The following MEGF11 variants were observed in gnomAD, a reference collection of about 807,000 sequenced individuals.
MEGF11 encodes the protein multiple epidermal growth factor-like domains protein 11.
In MEGF11, 126 loss-of-function variants were observed where a neutral mutation model predicts 146.6. The observed-to-expected ratio is 0.86, with a 90% confidence interval of 0.74 to 1.00. MEGF11 has a LOEUF of 1.00. Among genes scored for constraint, MEGF11 ranks in the 50% least tolerant of loss-of-function variants. MEGF11 has a pLI of 0.00. For synonymous variants in MEGF11, 532 were observed against 583.4 expected (o/e 0.91, Z 1.27); for missense variants, 1,509 against 1,521.2 (o/e 0.99, Z 0.13).
At chr15:66,139,314 G>T (rs2089036369) in intron 1 of MEGF11, among the ~76,000 whole-genome samples, 2 of 152,156 alleles carry the variant, frequency 1.3e-5, no homozygotes, top group Non-Finnish European at 2.9e-5. Context: ...ATCTCCCCAG[G>T]TTTAATTTGG....
chr15:66,187,215 GC>G (rs1778825152), intron 1 of MEGF11, among the ~76,000 whole-genome samples: 1 of 152,232 alleles, frequency 6.6e-6, no homozygotes, highest in South Asian at 2.1e-4. Flanking sequence ...GGAAAGGGAA[GC>G]ATTTCTCAAG....
chr15:66,151,109 G>C (rs1029993601), intron 1 of MEGF11, among the ~76,000 whole-genome samples: 8 of 152,134 alleles, frequency 5.3e-5, no homozygotes, highest in African/African-American at 1.7e-4. Context: ...TGAACTACTT[G>C]GAATTCCCTG....
intron 1 of MEGF11, among the ~76,000 whole-genome samples, chr15:66,252,221 C>T (rs2092381768): frequency 7.2e-6 from 1 of 138,176 alleles, no homozygotes; most frequent in Admixed American, 7.1e-5. Context: ...AGCCGCACCC[C>T]CCGCCCCCCA....
intron 21 of MEGF11, 44 bp downstream of exon 21, chr15:65,912,038 T>G: frequency 1.0e-4 from 110 of 1,102,890 alleles, no homozygotes; most frequent in Middle Eastern, 3.3e-4. Context: ...GAGGGTTAAA[T>G]GAGAGGGCAG....
intron 1 of MEGF11, among the ~76,000 whole-genome samples, chr15:66,169,843 C>G (rs953190005): frequency 7.9e-5 from 12 of 152,194 alleles, no homozygotes; most frequent in African/African-American, 2.9e-4. Context: ...CCGGACCATC[C>G]CGGCAGGTCA....
At chr15:66,146,947 G>A (rs577294927) in intron 1 of MEGF11, among the ~76,000 whole-genome samples, 1 of 152,204 alleles carries the variant, frequency 6.6e-6, no homozygotes, top group South Asian at 2.1e-4. Flanking sequence ...TTCCCATAAT[G>A]CCCCCACTTG....
intron 7 of MEGF11, among the ~76,000 whole-genome samples, chr15:65,979,272 C>A (rs1314788686): frequency 6.6e-6 from 1 of 152,100 alleles, no homozygotes; most frequent in Non-Finnish European, 1.5e-5. Context: ...TGTATTTTAA[C>A]CCCCCACCAC....
intron 5 of MEGF11, among the ~76,000 whole-genome samples, chr15:66,047,917 G>A (rs2084280616): frequency 6.6e-6 from 1 of 151,864 alleles, no homozygotes; most frequent in Non-Finnish European, 1.5e-5. Context: ...GGAGGCCTGA[G>A]GGGACATTGT....
At chr15:65,917,062 C>T (rs936840933) in intron 16 of MEGF11, 106 bp from the exon 17 acceptor site, 10 of 1,242,376 alleles carry the variant, frequency 8.0e-6, no homozygotes, top group East Asian at 2.9e-5. Context: ...CAAGATGGAC[C>T]TGGCTGACAT....
At chr15:66,021,736 A>G (rs2083140783) in intron 5 of MEGF11, among the ~76,000 whole-genome samples, 1 of 152,096 alleles carries the variant, frequency 6.6e-6, no homozygotes, top group Admixed American at 6.5e-5. Context: ...TGGAACTAAG[A>G]CCCAGTTAGG....
chr15:66,164,937 G>T (rs922826256), intron 1 of MEGF11, among the ~76,000 whole-genome samples: 2 of 152,196 alleles, frequency 1.3e-5, no homozygotes, highest in Admixed American at 1.3e-4. Context: ...GGGGGCTCAG[G>T]GGCAGGAGGT....
At chr15:66,116,298 G>A (rs879903225) in intron 4 of MEGF11, among the ~76,000 whole-genome samples, 13 of 151,998 alleles carry the variant, frequency 8.6e-5, no homozygotes, top group African/African-American at 2.7e-4. Context: ...CCGCCTTCCC[G>A]TCATGAAAGT....
intron 1 of MEGF11, among the ~76,000 whole-genome samples, chr15:66,156,684 C>G (rs994991602): frequency 2.0e-5 from 3 of 152,158 alleles, no homozygotes; most frequent in Non-Finnish European, 2.9e-5. Context: ...CTTCTGCCTT[C>G]GTTAACCAGG....
chr15:66,124,355 TA>T (rs1406132746), intron 2 of MEGF11, among the ~76,000 whole-genome samples: 2 of 152,246 alleles, frequency 1.3e-5, no homozygotes, highest in Non-Finnish European at 2.9e-5. Flanking sequence ...TGATTGTTCA[TA>T]TCTTTATGGT....
chr15:66,130,358 G>A (rs1158244843), intron 1 of MEGF11, among the ~76,000 whole-genome samples: 1 of 152,150 alleles, frequency 6.6e-6, no homozygotes, highest in Non-Finnish European at 1.5e-5. Context: ...GCCTTGCCTT[G>A]TCTTGATTCT....
intron 10 of MEGF11, among the ~76,000 whole-genome samples, chr15:65,950,168 A>G (rs369685929): frequency 1.9e-4 from 29 of 151,580 alleles, no homozygotes; most frequent in African/African-American, 6.8e-4. Context: ...ATCAACAGCA[A>G]TAACAGCTAA....
intron 10 of MEGF11, among the ~76,000 whole-genome samples, chr15:65,937,047 GA>G (rs2079814130): frequency 6.6e-6 from 1 of 152,172 alleles, no homozygotes; most frequent in Admixed American, 6.5e-5. Flanking sequence ...TCCACTCTGG[GA>G]GACAAGACCT....
At chr15:66,027,375 G>A (rs1306729581) in intron 5 of MEGF11, among the ~76,000 whole-genome samples, 1 of 152,248 alleles carries the variant, frequency 6.6e-6, no homozygotes, top group East Asian at 1.9e-4. Context: ...ACCACGTCAA[G>A]CTGAACCCAC....
At chr15:66,151,862 C>A (rs922097142) in intron 1 of MEGF11, among the ~76,000 whole-genome samples, 2 of 152,230 alleles carry the variant, frequency 1.3e-5, no homozygotes, top group Non-Finnish European at 2.9e-5. Context: ...GGGCTGGCTC[C>A]CTCCCCACCC....
Sources: allele counts gnomAD v4.1 joint callset (sites outside exome capture counted in the v4.1 genomes callset), GRCh38; gene constraint gnomAD v4.1.1; transcripts MANE v1.5; gene names NCBI Gene and HGNC (gene_info 2026-07-23, HGNC 2026-07-21).